Variants in MAP3K14 observed in about 807,000 individuals in gnomAD.
MAP3K14 encodes the protein mitogen-activated protein kinase kinase kinase 14, also known as NF-kappa-beta-inducing kinase.
A neutral mutation model predicts 99.2 loss-of-function variants in MAP3K14; 16 were observed. That is an observed-to-expected ratio of 0.16 (90% CI 0.11 to 0.24). The LOEUF (loss-of-function observed/expected upper bound fraction) is 0.24. Among genes scored for constraint, MAP3K14 ranks in the 10% least tolerant of loss-of-function variants. The pLI, the probability that MAP3K14 is intolerant of heterozygous loss-of-function variation, is 1.00. For missense variants in MAP3K14, 784 were observed against 1,208.7 expected (o/e 0.65, Z 5.21); for synonymous variants, 462 against 492.4 (o/e 0.94, Z 0.82).
intron 14 of MAP3K14, among the ~76,000 whole-genome samples, chr17:45,265,873 A>G (rs1260083378): frequency 1.3e-5 from 2 of 152,226 alleles, no homozygotes; most frequent in Non-Finnish European, 1.5e-5. Context: ...GCTGGCTCCT[A>G]TGGGGAAGTA....
At chr17:45,266,084 A>G (rs1671349872) in intron 14 of MAP3K14, among the ~76,000 whole-genome samples, 1 of 152,224 alleles carries the variant, frequency 6.6e-6, no homozygotes, top group Admixed American at 6.5e-5. Flanking sequence ...GCCACATCAT[A>G]ACCTATGCAA....
intron 1 of MAP3K14, among the ~76,000 whole-genome samples, chr17:45,301,835 T>C (rs1288252937): frequency 8.8e-5 from 7 of 79,842 alleles, no homozygotes; most frequent in South Asian, 4.0e-4. Flanking sequence ...TCAGTTCTCT[T>C]TTTTTTTTTT....
chr17:45,297,955 G>C (rs1288229708), intron 1 of MAP3K14, among the ~76,000 whole-genome samples: 1 of 152,092 alleles, frequency 6.6e-6, no homozygotes, highest in African/African-American at 2.4e-5. Flanking sequence ...CTGACCTCAG[G>C]TGATCTGCCT....
At chr17:45,269,483 GA>G in intron 11 of MAP3K14, among the ~76,000 whole-genome samples, 2 of 152,328 alleles carry the variant, frequency 1.3e-5, no homozygotes, top group Non-Finnish European at 2.9e-5. Context: ...TGGATTGACT[GA>G]AGGCTGGCAG....
intron 1 of MAP3K14, among the ~76,000 whole-genome samples, chr17:45,306,000 T>C (rs1244941368): frequency 6.6e-6 from 1 of 152,276 alleles, no homozygotes; most frequent in African/African-American, 2.4e-5. Flanking sequence ...CCTGTGGTCA[T>C]CTTTGAGTGT....
chr17:45,273,472 G>C, intron 9 of MAP3K14, 31 bp downstream of exon 9: 1 of 1,530,552 alleles, frequency 6.5e-7, no homozygotes, highest in Non-Finnish European at 9.0e-7. Context: ...TGAATGCATT[G>C]GGGGGCACGG....
At chr17:45,290,094 G>A (rs1299462731) in intron 2 of MAP3K14, among the ~76,000 whole-genome samples, 1 of 152,226 alleles carries the variant, frequency 6.6e-6, no homozygotes, top group South Asian at 2.1e-4. Flanking sequence ...ACCTCTAGGT[G>A]GAAGATGGTG....
intron 1 of MAP3K14, among the ~76,000 whole-genome samples, chr17:45,299,317 C>T (rs35236291): frequency 6.6e-6 from 1 of 151,972 alleles, no homozygotes; most frequent in Non-Finnish European, 1.5e-5. Context: ...TTTTGGGAGG[C>T]TGAGGCAAGA....
intron 1 of MAP3K14, among the ~76,000 whole-genome samples, chr17:45,312,095 CTT>C (rs1346764412): frequency 6.6e-6 from 1 of 152,242 alleles, no homozygotes; most frequent in African/African-American, 2.4e-5. Flanking sequence ...CTGCTCAGGA[CTT>C]TCTCTGCAAC....
At chr17:45,289,402 C>T (rs901122196) in intron 2 of MAP3K14, 97 bp from the exon 3 acceptor site, 320 of 910,562 alleles carry the variant, frequency 3.5e-4, no homozygotes, top group South Asian at 9.8e-5. Context: ...TGGCGCCTCT[C>T]CTTCCCCTCC....
intron 1 of MAP3K14, among the ~76,000 whole-genome samples, chr17:45,292,065 A>C (rs2044314725): frequency 6.6e-6 from 1 of 152,240 alleles, no homozygotes; most frequent in South Asian, 2.1e-4. Flanking sequence ...CTCGATGGCT[A>C]TGAAAGGCTC....
chr17:45,267,916 T>C lies in MAP3K14; in HGVS notation c.1973-157A>G, dbSNP rs2044108703. ...TGGGAGGTGGCTCCAGAGGGCAGCATGGTGGTCTCCACAGGAGACTTCCTC... is the reference window on the plus strand; with the variant it reads ...TGGGAGGTGGCTCCAGAGGGCAGCACGGTGGTCTCCACAGGAGACTTCCTC... On this transcript the variant is annotated intron_variant, in intron 11 of 15. Coordinates refer to ENST00000344686, the MANE Select transcript of MAP3K14 (RefSeq NM_003954.5). The surrounding 1 kb of genome is among the most constrained non-coding windows in gnomAD (Gnocchi z 5.1). The C allele has an allele frequency of 3.1e-6, 2 of 637,184 alleles. No homozygotes were observed. The highest frequency in any genetic ancestry group is 3.2e-5 in the Admixed American group (1 of 31,664). 39.5% of individuals were successfully genotyped at this position (637,184 alleles called of 1,614,324 possible). A position where few individuals can be genotyped will look rare whatever the true frequency, so the allele number is the denominator to read the frequency against.
At chr17:45,295,922 C>T (rs2044343362) in intron 1 of MAP3K14, among the ~76,000 whole-genome samples, 2 of 152,168 alleles carry the variant, frequency 1.3e-5, no homozygotes, top group Admixed American at 6.5e-5. Context: ...GTATCTTGAG[C>T]CTTACCTAGT....
chr17:45,280,235 C>G (rs922464825), intron 6 of MAP3K14, among the ~76,000 whole-genome samples: 1 of 151,382 alleles, frequency 6.6e-6, no homozygotes, highest in Non-Finnish European at 1.5e-5. Flanking sequence ...CTATGAGGAT[C>G]TGGGAAATGA....
In MAP3K14 at chr17:45,286,528, CTGTGGG is replaced by C; in HGVS notation, c.1049_1054del (p.Ala350_Ser352delinsGly). ...CCAGGTCTTGGCCAGGCTGGTCAGGCTGTGGGCCTGGCCTGAGCTCACGCTGCCTTG... is the reference window on the plus strand; with the variant it reads ...CCAGGTCTTGGCCAGGCTGGTCAGGCCCTGGCCTGAGCTCACGCTGCCTTG... On this transcript the variant is annotated inframe_deletion, in exon 5 of 16. Coordinates refer to ENST00000344686, the MANE Select transcript of MAP3K14 (RefSeq NM_003954.5). This position sits in a 1 kb window ranked among gnomAD's most constrained non-coding sequence, Gnocchi z 4.1. The C allele has an allele frequency of 6.2e-7, 1 of 1,608,976 alleles. No homozygotes were observed.
At chr17:45,300,203 G>A (rs1266744732) in intron 1 of MAP3K14, among the ~76,000 whole-genome samples, 3 of 152,318 alleles carry the variant, frequency 2.0e-5, no homozygotes, top group African/African-American at 7.2e-5. Context: ...GCCTGATGAT[G>A]GCTGGCCGGC....
rs1052145614 is a variant in MAP3K14 at position 45,267,243 on chromosome 17, C to G, written c.2327-45G>C. 1.4e-6 allele frequency: 2 copies of G among 1,459,110 alleles called. No individual in the cohort carries two copies. Among genetic ancestry groups the G allele is most frequent in the African/African-American group, 2.8e-5 (2 of 71,396 alleles). The allele number at this position is 1,459,110 out of a possible 1,614,324, so 90.4% of individuals were successfully genotyped here. A position where few individuals can be genotyped will look rare whatever the true frequency, so the allele number is the denominator to read the frequency against. On this transcript the variant is annotated intron_variant, in intron 12 of 15. Transcript: ENST00000344686. The surrounding 1 kb of genome is among the most constrained non-coding windows in gnomAD (Gnocchi z 5.1). ...ATGGCTGTGAAAGACTGGGAGGAGG[C>G]TGGCTGTGTTTTCAGGGGTTCTTCC... is the stretch of plus-strand genomic sequence containing the variant.
chr17:45,288,901 G>A (rs923247582), intron 3 of MAP3K14, among the ~76,000 whole-genome samples: 3 of 152,144 alleles, frequency 2.0e-5, no homozygotes, highest in Non-Finnish European at 2.9e-5. Flanking sequence ...CTGCGCTCAC[G>A]GTCACGCAAG....
At position 45,273,429 on chromosome 17, in the gene MAP3K14, C is replaced by T. The variant is rs2044154841; in HGVS notation, c.1657+74G>A. On this transcript the variant is annotated intron_variant, in intron 9 of 15. Coordinates refer to ENST00000344686, the MANE Select transcript of MAP3K14 (RefSeq NM_003954.5). Reference sequence around the variant, plus strand: ...GACCTAAGTGTTCACACCTCAATTCCCATTCTGGAAAGCATGGAAGGCATT... The same window carrying T: ...GACCTAAGTGTTCACACCTCAATTCTCATTCTGGAAAGCATGGAAGGCATT... 4 of 1,180,618 alleles carry T rather than the reference C, an allele frequency of 3.4e-6. No homozygotes were observed. The African/African-American group carries it at 4.5e-5, about 13-fold the overall frequency. 73.1% of individuals were successfully genotyped at this position (1,180,618 alleles called of 1,614,324 possible).
Sources: gnomAD v4.1 joint callset for allele counts (sites outside exome capture counted in the v4.1 genomes callset) on GRCh38, gnomAD v4.1.1 for gene constraint, Gnocchi (gnomAD v3.1) non-coding constraint, MANE v1.5 for transcripts, NCBI Gene and HGNC (gene_info 2026-07-23, HGNC 2026-07-21) for gene names.